The following TPTE variants were observed in gnomAD, a reference collection of about 807,000 sequenced individuals.
TPTE encodes transmembrane phosphatase with tensin homology, also known as putative tyrosine-protein phosphatase TPTE.
TPTE carries 59 observed loss-of-function variants against 84.1 expected under a neutral mutation model. The observed-to-expected ratio is 0.70, with a 90% CI of 0.57 to 0.87. TPTE has a LOEUF of 0.87. Among genes scored for constraint, TPTE ranks in the 40% least tolerant of loss-of-function variants. TPTE has a pLI of 0.00. For missense variants in TPTE, 382 were observed against 659.6 expected (o/e 0.58, Z 4.61); for synonymous variants, 130 against 223.5 (o/e 0.58, Z 3.73).
intron 10 of TPTE, among the ~76,000 whole-genome samples, chr21:10,565,552 T>C (rs1410746495): frequency 2.6e-5 from 4 of 152,310 alleles, no homozygotes; most frequent in Non-Finnish European, 5.9e-5. Flanking sequence ...TAGCCAAAGC[T>C]ATTCTAAGCA....
rs2074386669 is a variant in TPTE at position 10,542,453 on chromosome 21, GCAAT to G, written c.119+6_119+9del. 1.2e-6 allele frequency: 2 copies of G among 1,610,934 alleles called. No individual in the cohort carries two copies. The highest frequency in any genetic ancestry group is 1.7e-6 in the Non-Finnish European group (2 of 1,177,824). ...GGAGGCACCTGCGAAAGAAAGGTGA[GCAAT>G]AAATAGTTAAAGTCACCCGTCAGCA... On this transcript the variant is annotated splice_donor_region_variant and intron_variant, in intron 6 of 23. Transcript: ENST00000618007.
chr21:10,588,002 C>CCA (rs1399811342), intron 17 of TPTE, among the ~76,000 whole-genome samples: 1 of 152,310 alleles, frequency 6.6e-6, no homozygotes, highest in Non-Finnish European at 1.5e-5. Context: ...GTGTGCACCA[C>CCA]CATGCCCGGC....
intron 7 of TPTE, among the ~76,000 whole-genome samples, chr21:10,545,507 G>C (rs1359487757): frequency 6.6e-6 from 1 of 152,312 alleles, no homozygotes; most frequent in Non-Finnish European, 1.5e-5. Flanking sequence ...GTTAGCACTG[G>C]CCCGGATAAA....
intron 3 of TPTE, among the ~76,000 whole-genome samples, chr21:10,528,280 A>G (rs1388137913): frequency 6.6e-6 from 1 of 152,308 alleles, no homozygotes; most frequent in African/African-American, 2.4e-5. Flanking sequence ...CAATGAATTG[A>G]CATCAGAAAT....
intron 21 of TPTE, among the ~76,000 whole-genome samples, chr21:10,599,697 T>C (rs2075652662): frequency 6.6e-6 from 1 of 152,310 alleles, no homozygotes; most frequent in African/African-American, 2.4e-5. Context: ...ATAATAGCCC[T>C]AACGTGTAAT....
intron 17 of TPTE, among the ~76,000 whole-genome samples, chr21:10,581,441 A>C (rs2075269496): frequency 6.6e-6 from 1 of 152,312 alleles, no homozygotes; most frequent in African/African-American, 2.4e-5. Context: ...TTCTGTGTTC[A>C]CATAATATTT....
intron 18 of TPTE, among the ~76,000 whole-genome samples, chr21:10,591,778 C>A (rs1399709494): frequency 1.3e-5 from 2 of 152,308 alleles, no homozygotes; most frequent in Non-Finnish European, 2.9e-5. Context: ...CAGATGCTTT[C>A]TAAGGTGTTT....
chr21:10,525,484 G>A (rs1372426168), intron 2 of TPTE, among the ~76,000 whole-genome samples: 1 of 152,310 alleles, frequency 6.6e-6, no homozygotes, highest in Non-Finnish European at 1.5e-5. Context: ...AGTGCGGAAA[G>A]CTTACAGAAG....
intron 17 of TPTE, among the ~76,000 whole-genome samples, chr21:10,583,089 G>A (rs207477736): frequency 6.6e-6 from 1 of 152,308 alleles, no homozygotes. Flanking sequence ...CCACATTTTT[G>A]TTGAATGTAT....
chr21:10,526,935 C>G (rs2074089371), intron 2 of TPTE, among the ~76,000 whole-genome samples: 1 of 152,302 alleles, frequency 6.6e-6, no homozygotes, highest in African/African-American at 2.4e-5. Flanking sequence ...AGCCATATAA[C>G]TTTAAAAAAA....
At chr21:10,567,273 C>A (rs1242656892) in intron 10 of TPTE, among the ~76,000 whole-genome samples, 2 of 152,396 alleles carry the variant, frequency 1.3e-5, no homozygotes, top group African/African-American at 2.4e-5. Context: ...AACAGATTGA[C>A]CATAGTCAAC....
intron 10 of TPTE, among the ~76,000 whole-genome samples, chr21:10,567,002 C>T (rs210523): frequency 0.1 from 14,540 of 143,684 alleles, 6 homozygotes; most frequent in African/African-American, 0.28. Context: ...AAAATACTGT[C>T]ATTTGGAACA....
At chr21:10,582,508 A>T (rs1231118700) in intron 17 of TPTE, among the ~76,000 whole-genome samples, 1 of 152,312 alleles carries the variant, frequency 6.6e-6, no homozygotes, top group East Asian at 1.9e-4. Flanking sequence ...TTTTATTGGA[A>T]CTACATTGAA....
intron 3 of TPTE, among the ~76,000 whole-genome samples, chr21:10,535,876 AAGAC>A (rs1298043344): frequency 6.6e-6 from 1 of 152,312 alleles, no homozygotes; most frequent in Non-Finnish European, 1.5e-5. Context: ...CTGGGCAAGA[AAGAC>A]AGCCATGATG....
intron 8 of TPTE, 54 bp from the exon 9 acceptor site, chr21:10,559,440 T>C (rs1385768495): frequency 6.2e-7 from 1 of 1,607,840 alleles, no homozygotes; most frequent in Admixed American, 1.7e-5. Context: ...TGGTTAAATT[T>C]ACAATATATG....
intron 21 of TPTE, among the ~76,000 whole-genome samples, chr21:10,599,537 A>G (rs182492): frequency 6.6e-6 from 1 of 151,728 alleles, no homozygotes; most frequent in Admixed American, 6.6e-5. Flanking sequence ...ATTAAATTAG[A>G]TAATATATAT....
At chr21:10,527,877 T>G (rs1600850904) in intron 3 of TPTE, among the ~76,000 whole-genome samples, 1 of 152,284 alleles carries the variant, frequency 6.6e-6, no homozygotes, top group South Asian at 2.1e-4. Context: ...CTGTGACTCA[T>G]GAAGAGCATG....
intron 17 of TPTE, among the ~76,000 whole-genome samples, chr21:10,580,977 A>G (rs1471470099): frequency 6.6e-6 from 1 of 152,310 alleles, no homozygotes; most frequent in Admixed American, 6.5e-5. Context: ...TGACAAACAT[A>G]AATAATTACA....
intron 7 of TPTE, among the ~76,000 whole-genome samples, chr21:10,544,502 A>T (rs1432641186): frequency 6.6e-6 from 1 of 152,304 alleles, no homozygotes; most frequent in Non-Finnish European, 1.5e-5. Context: ...TTCCTGCCTC[A>T]GCCTCCTGAG....
Sources: allele counts gnomAD v4.1 joint callset (sites outside exome capture counted in the v4.1 genomes callset), GRCh38; gene constraint gnomAD v4.1.1; transcripts MANE v1.5; gene names NCBI Gene and HGNC (gene_info 2026-07-23, HGNC 2026-07-21).